The following ZNF578 variants were observed in gnomAD, a reference collection of about 807,000 sequenced individuals.
The protein encoded by ZNF578 is zinc finger protein 578.
Under a neutral mutation model 8.3 loss-of-function variants are expected in ZNF578, and 8 were observed. The ratio of observed to expected loss-of-function variants is 0.96; its 90% CI spans 0.56 to 1.74. ZNF578 has a LOEUF of 1.74. Among genes scored for constraint, ZNF578 ranks in the 40% most tolerant of loss-of-function variants. The probability of loss-of-function intolerance (pLI) is 0.00; values close to 1 mark genes in which losing one functional copy is unlikely to be tolerated. For synonymous variants in ZNF578, 206 were observed against 232.2 expected (o/e 0.89, Z 1.03); for missense variants, 726 against 707.5 (o/e 1.03, Z -0.30).
intron 2 of ZNF578, among the ~76,000 whole-genome samples, chr19:52,479,222 G>T (rs2059317515): frequency 6.6e-6 from 1 of 151,872 alleles, no homozygotes; most frequent in Admixed American, 6.6e-5. Flanking sequence ...TGTGCCCCAT[G>T]TTAACCTGAT....
In ZNF578 at chr19:52,488,609, AAAAC is replaced by A. The variant is rs1384323871; in HGVS notation, c.-121-2703_-121-2700del. On this transcript the variant is annotated intron_variant, in intron 2 of 5. Coordinates refer to ENST00000421239, the MANE Select transcript of ZNF578 (RefSeq NM_001099694.2). The stretch of plus-strand genomic sequence containing the variant: ...GGGCGACAGAGCAAGACTCCATCTC[AAAAC>A]AAACAAACAAAAATACCAAAATTAG... Among the ~76,000 whole-genome samples, 5 of 149,644 alleles carry A rather than the reference AAAAC, an allele frequency of 3.3e-5. No homozygotes were observed. In the East Asian group the frequency reaches 8.0e-4, roughly 24 times the overall value.
At chr19:52,480,900 GAT>G (rs1257797188) in intron 2 of ZNF578, among the ~76,000 whole-genome samples, 2 of 139,340 alleles carry the variant, frequency 1.4e-5, no homozygotes, top group Non-Finnish European at 3.1e-5. Flanking sequence ...CATCTCAAAA[GAT>G]AATAATAATA....
At chr19:52,470,389 C>T (rs1276612420) in intron 2 of ZNF578, among the ~76,000 whole-genome samples, 1 of 152,098 alleles carries the variant, frequency 6.6e-6, no homozygotes, top group Non-Finnish European at 1.5e-5. Context: ...ACATTATTGT[C>T]TATATTTGGA....
chr19:52,466,015 G>T (rs2059273980), intron 2 of ZNF578, among the ~76,000 whole-genome samples: 1 of 152,196 alleles, frequency 6.6e-6, no homozygotes, highest in Non-Finnish European at 1.5e-5. Flanking sequence ...AGTGCATAAA[G>T]GTGGGGGCCA....
intron 2 of ZNF578, among the ~76,000 whole-genome samples, chr19:52,469,852 G>A (rs1331853316): frequency 3.3e-5 from 5 of 152,122 alleles, no homozygotes; most frequent in South Asian, 2.1e-4. Flanking sequence ...CCCTGGGTGC[G>A]ACTGTTTTGT....
intron 4 of ZNF578, among the ~76,000 whole-genome samples, chr19:52,502,980 C>T (rs2059412794): frequency 6.6e-6 from 1 of 152,108 alleles, no homozygotes; most frequent in Non-Finnish European, 1.5e-5. Flanking sequence ...GCATCCTCTC[C>T]CTCTGGGTTT....
At chr19:52,462,262 C>G (rs1454748313) in intron 2 of ZNF578, among the ~76,000 whole-genome samples, 2 of 152,138 alleles carry the variant, frequency 1.3e-5, no homozygotes, top group Non-Finnish European at 2.9e-5. Flanking sequence ...TTGATTATGA[C>G]CTGAAGTCTT....
chr19:52,483,993 C>T (rs966847909), intron 2 of ZNF578, among the ~76,000 whole-genome samples: 6 of 152,088 alleles, frequency 3.9e-5, no homozygotes, highest in Non-Finnish European at 7.4e-5. Context: ...GGAGGACCCA[C>T]GCTGGCTCCA....
At chr19:52,454,671 G>A (rs2115101) in intron 1 of ZNF578, 134,932 of 152,178 alleles carry the variant, frequency 0.89, 60,597 homozygotes, top group Non-Finnish European at 0.96. Flanking sequence ...TTTGGGAACC[G>A]TGGTGTTTAT....
chr19:52,494,130 C>G (rs1360368775), intron 3 of ZNF578, among the ~76,000 whole-genome samples: 4 of 145,044 alleles, frequency 2.8e-5, no homozygotes, highest in Non-Finnish European at 6.2e-5. Context: ...GACAAGAAAA[C>G]AAGAGCTAGA....
chr19:52,496,050 C>G (rs904754889), intron 3 of ZNF578, among the ~76,000 whole-genome samples: 11 of 152,164 alleles, frequency 7.2e-5, no homozygotes, highest in East Asian at 1.9e-4. Context: ...GATGGAGTCT[C>G]TCTCTGTCAC....
Position 52,514,156 on chromosome 19 carries a change from G to T in ZNF578, c.*2002G>T, listed in dbSNP as rs2059462920. Among the ~76,000 whole-genome samples the T allele has an allele frequency of 6.6e-6, 1 of 151,970 alleles. No homozygotes were observed. Among genetic ancestry groups the T allele is most frequent in the African/African-American group, 2.4e-5 (1 of 41,366 alleles). On this transcript the variant is annotated 3_prime_UTR_variant, in exon 6 of 6. Transcript: ENST00000421239. ...TTTCTTTTTTGCAGATTGAGTTTGAGATATATCTTAGTTTTAATAGTTTTA... is the reference window on the plus strand; with the variant it reads ...TTTCTTTTTTGCAGATTGAGTTTGATATATATCTTAGTTTTAATAGTTTTA...
At chr19:52,459,550 T>C (rs116338478) in intron 2 of ZNF578, among the ~76,000 whole-genome samples, 6,054 of 150,886 alleles carry the variant, frequency 0.04, 436 homozygotes, top group African/African-American at 0.14. Context: ...TATAATGCTG[T>C]GATGAGCAGG....
Position 52,504,680 on chromosome 19 carries a change from C to T in ZNF578, c.89C>T (p.Ala30Val). Residue 30 changes from alanine to valine, a missense_variant, in exon 5 of 6, where the codon GCT becomes GTT. By Grantham distance (64) the Ala-to-Val change is moderately conservative (BLOSUM62 0). Transcript: ENST00000421239. Reference protein sequence around the residue: ...PQGRLTFRDVAIEFSLAEWKF... With the variant: ...PQGRLTFRDVVIEFSLAEWKF... ...GGACGCTTGACTTTCAGGGATGTGG[C>T]TATAGAATTCTCATTGGCAGAGTGG... The T allele has an allele frequency of 1.9e-6, 3 of 1,614,042 alleles. No individual in the cohort carries two copies. The highest frequency in any genetic ancestry group is 2.7e-5 in the African/African-American group (2 of 75,000).
chr19:52,507,847 T>G (rs1356516301), intron 5 of ZNF578, among the ~76,000 whole-genome samples: 2 of 150,992 alleles, frequency 1.3e-5, no homozygotes, highest in East Asian at 4.0e-4. Context: ...GTCGGGAGTT[T>G]GAGACCAGCC....
intron 3 of ZNF578, among the ~76,000 whole-genome samples, chr19:52,500,597 G>A (rs992883889): frequency 3.9e-5 from 6 of 151,928 alleles, no homozygotes; most frequent in Non-Finnish European, 8.8e-5. Context: ...TGGCTGGGAC[G>A]GTGTCGACCT....
At chr19:52,463,940 G>A (rs1237954127) in intron 2 of ZNF578, among the ~76,000 whole-genome samples, 1 of 152,062 alleles carries the variant, frequency 6.6e-6, no homozygotes, top group Non-Finnish European at 1.5e-5. Flanking sequence ...TTATTTTTAG[G>A]ATAATGATTA....
intron 2 of ZNF578, among the ~76,000 whole-genome samples, chr19:52,480,738 A>G (rs2059323237): frequency 6.6e-6 from 1 of 151,878 alleles, no homozygotes; most frequent in Non-Finnish European, 1.5e-5. Flanking sequence ...TCTACCAAAA[A>G]TAACAAAAAT....
chr19:52,487,958 C>A (rs1189795288), intron 2 of ZNF578, among the ~76,000 whole-genome samples: 10 of 150,148 alleles, frequency 6.7e-5, no homozygotes, highest in South Asian at 4.2e-4. Flanking sequence ...TAGCCCCCCC[C>A]CCTTTTTTTT....
Sources: gnomAD v4.1 joint callset for allele counts (sites outside exome capture counted in the v4.1 genomes callset) on GRCh38, gnomAD v4.1.1 for gene constraint, MANE v1.5 for transcripts, NCBI Gene and HGNC (gene_info 2026-07-23, HGNC 2026-07-21) for gene names.